Variants in PRKG1 observed in about 807,000 individuals in gnomAD.
PRKG1 encodes cGMP-dependent protein kinase 1.
In PRKG1, 35 loss-of-function variants were observed where a neutral mutation model predicts 88.1. That is an observed-to-expected ratio of 0.40 (90% confidence interval 0.30 to 0.53). The LOEUF (loss-of-function observed/expected upper bound fraction) is 0.53. PRKG1 is among the 20% of genes least tolerant of loss of function. PRKG1 has a pLI of 0.59. For missense variants in PRKG1, 540 were observed against 839.8 expected (o/e 0.64, Z 4.41); for synonymous variants, 303 against 292.5 (o/e 1.04, Z -0.37).
At chr10:51,850,089 C>T (rs1840507184) in intron 4 of PRKG1, among the ~76,000 whole-genome samples, 1 of 152,148 alleles carries the variant, frequency 6.6e-6, no homozygotes, top group Non-Finnish European at 1.5e-5. Flanking sequence ...TAGAAGAAAA[C>T]ATTGTTCACT....
chr10:51,703,200 A>G (rs1021220772), intron 3 of PRKG1, among the ~76,000 whole-genome samples: 1 of 152,226 alleles, frequency 6.6e-6, no homozygotes, highest in Non-Finnish European at 1.5e-5. Flanking sequence ...ACATCAGAAT[A>G]CAAAAATTCT....
Position 51,558,190 on chromosome 10 carries a change from A to G in PRKG1, c.592+90354A>G, listed in dbSNP as rs964289020. Among the ~76,000 whole-genome samples, 8 of 152,058 alleles carry G rather than the reference A, an allele frequency of 5.3e-5. No individual in the cohort carries two copies. The East Asian group carries it at 1.5e-3, about 29-fold the overall frequency. On this transcript the variant is annotated intron_variant, in intron 3 of 17. Coordinates refer to ENST00000373980, the MANE Select transcript of PRKG1 (RefSeq NM_006258.4). Reference sequence around the variant, plus strand: ...ATTTAAGTGTGACATTAGTTTAGTCATTTTCAATTGTGTGGGATGTTTTCA... The same window carrying G: ...ATTTAAGTGTGACATTAGTTTAGTCGTTTTCAATTGTGTGGGATGTTTTCA...
chr10:50,997,417 ACTATTT>A (rs1281050305), intron 1 of PRKG1, among the ~76,000 whole-genome samples: 2 of 152,126 alleles, frequency 1.3e-5, no homozygotes, highest in Non-Finnish European at 2.9e-5. Flanking sequence ...CCCTCATGAA[ACTATTT>A]CTAACAGACC....
At chr10:51,294,139 A>T (rs10996628) in intron 2 of PRKG1, among the ~76,000 whole-genome samples, 36,232 of 151,750 alleles carry the variant, frequency 0.24, 4,362 homozygotes, top group Admixed American at 0.37. Flanking sequence ...AGGTATATAG[A>T]TTGCCAATAT....
intron 7 of PRKG1, among the ~76,000 whole-genome samples, chr10:52,123,134 A>G (rs1429438844): frequency 6.6e-6 from 1 of 152,208 alleles, no homozygotes; most frequent in Non-Finnish European, 1.5e-5. Context: ...TAGAAAGTGA[A>G]GTTTGTATGT....
At chr10:51,189,822 T>A (rs1050447805) in intron 2 of PRKG1, among the ~76,000 whole-genome samples, 1 of 151,986 alleles carries the variant, frequency 6.6e-6, no homozygotes, top group Non-Finnish European at 1.5e-5. Flanking sequence ...TGTTGAACAC[T>A]GTGCTATATA....
chr10:52,147,648 C>T (rs987545801), intron 8 of PRKG1, among the ~76,000 whole-genome samples: 13 of 151,826 alleles, frequency 8.6e-5, no homozygotes, highest in Admixed American at 4.6e-4. Context: ...TTAAAGGCAG[C>T]GAAACAGAGG....
rs142641955 is a variant in PRKG1 at position 51,546,950 on chromosome 10, A to T, written c.592+79114A>T. Among the ~76,000 whole-genome samples the T allele has an allele frequency of 4.6e-5, 7 of 152,220 alleles. No individual in the cohort carries two copies. In the East Asian group the frequency reaches 1.4e-3, roughly 29 times the overall value. ...TTCCATGAAAGTTGAATTATTATTG[A>T]ATCTTATTAAAACCCAAACTGAGCA... On this transcript the variant is annotated intron_variant, in intron 3 of 17. Transcript: ENST00000373980.
At chr10:51,443,537 A>G (rs1233808896) in intron 2 of PRKG1, among the ~76,000 whole-genome samples, 1 of 152,008 alleles carries the variant, frequency 6.6e-6, no homozygotes, top group Non-Finnish European at 1.5e-5. Flanking sequence ...AATAGCTTCC[A>G]TGACTTCTCT....
At chr10:52,171,693 G>T (rs1838680877) in intron 9 of PRKG1, among the ~76,000 whole-genome samples, 1 of 142,650 alleles carries the variant, frequency 7.0e-6, no homozygotes, top group African/African-American at 2.7e-5. Flanking sequence ...TCTTTCAAGT[G>T]CAGTGAGACT....
chr10:51,352,919 A>AAAC (rs1316617476), intron 2 of PRKG1, among the ~76,000 whole-genome samples: 2 of 152,074 alleles, frequency 1.3e-5, no homozygotes, highest in Non-Finnish European at 2.9e-5. Context: ...CAAACAAAAC[A>AAAC]AACAACAACA....
intron 1 of PRKG1, among the ~76,000 whole-genome samples, chr10:51,064,970 G>A (rs1055444377): frequency 6.6e-6 from 1 of 151,968 alleles, no homozygotes; most frequent in Admixed American, 6.5e-5. Flanking sequence ...TGCAGATGGA[G>A]GTAAATTTGC....
At chr10:52,221,376 G>T (rs777889595) in intron 9 of PRKG1, among the ~76,000 whole-genome samples, 8 of 152,112 alleles carry the variant, frequency 5.3e-5, no homozygotes, top group Non-Finnish European at 1.0e-4. Flanking sequence ...TGTAGAAAAT[G>T]AGCTGAATAA....
chr10:51,794,620 G>A (rs958682281), intron 3 of PRKG1, among the ~76,000 whole-genome samples: 1 of 151,990 alleles, frequency 6.6e-6, no homozygotes, highest in African/African-American at 2.4e-5. Context: ...CAAGAGAATG[G>A]ATGTAAAGTG....
intron 5 of PRKG1, among the ~76,000 whole-genome samples, chr10:51,962,622 T>C (rs770498744): frequency 6.6e-6 from 1 of 152,172 alleles, no homozygotes; most frequent in African/African-American, 2.4e-5. Context: ...GGGATAATCC[T>C]GCTTTTTTTT....
chr10:52,222,772 C>T (rs1006160210), intron 9 of PRKG1, among the ~76,000 whole-genome samples: 3 of 152,212 alleles, frequency 2.0e-5, no homozygotes, highest in East Asian at 3.9e-4. Flanking sequence ...ATTATGCAGT[C>T]GTTAGATAAA....
intron 1 of PRKG1, chr10:51,148,119 G>T (rs1476287840): frequency 8.7e-6 from 3 of 344,974 alleles, no homozygotes; most frequent in Non-Finnish European, 8.2e-6. Context: ...GGATGGAGTT[G>T]TCCTTTGAAA....
intron 5 of PRKG1, among the ~76,000 whole-genome samples, chr10:51,995,495 G>A (rs1420201683): frequency 6.6e-6 from 1 of 152,068 alleles, no homozygotes; most frequent in Non-Finnish European, 1.5e-5. Flanking sequence ...GTTAAATAGC[G>A]TTAAATGTTT....
At chr10:51,290,520 A>C (rs1023794921) in intron 2 of PRKG1, among the ~76,000 whole-genome samples, 2 of 152,186 alleles carry the variant, frequency 1.3e-5, no homozygotes, top group African/African-American at 4.8e-5. Flanking sequence ...CAATATGTAG[A>C]GATCCACTTA....
Sources: allele counts gnomAD v4.1 joint callset (sites outside exome capture counted in the v4.1 genomes callset), GRCh38; gene constraint gnomAD v4.1.1; transcripts MANE v1.5; gene names NCBI Gene and HGNC (gene_info 2026-07-23, HGNC 2026-07-21).